DUSP29: variants seen among roughly 807,000 people sequenced by gnomAD.
DUSP29 encodes the protein dual specificity phosphatase 29.
Under a neutral mutation model 13.5 loss-of-function variants are expected in DUSP29, and 12 were observed. That is an observed-to-expected ratio of 0.89 (90% CI 0.57 to 1.44). The LOEUF is 1.44. Among genes scored for constraint, DUSP29 ranks in the 40% most tolerant of loss-of-function variants. The pLI, the probability that DUSP29 is intolerant of heterozygous loss-of-function variation, is 0.00. For missense variants in DUSP29, 308 were observed against 301.1 expected, an observed-to-expected ratio of 1.02 and a Z score of -0.17; for synonymous variants, 134 against 128.7, an observed-to-expected ratio of 1.04 and a Z score of -0.28.
intron 1 of DUSP29, among the ~76,000 whole-genome samples, chr10:75,063,130 T>C (rs1194081598): frequency 6.6e-6 from 1 of 151,628 alleles, no homozygotes; most frequent in African/African-American, 2.4e-5. Flanking sequence ...TGGTGGGGAG[T>C]GTGGCACATC....
In DUSP29 at chr10:75,037,696, A is replaced by G. The variant is rs1846491837; in HGVS notation, c.*140T>C. The G allele has an allele frequency of 7.1e-7, 1 of 1,403,596 alleles. No homozygotes were observed. Among genetic ancestry groups the G allele is most frequent in the South Asian group, 1.4e-5 (1 of 72,040 alleles). 86.9% of individuals were successfully genotyped at this position (1,403,596 alleles called of 1,614,324 possible). ...GCTCTGGGTCCTCCCTGTCCCCAGC[A>G]CACATGGGGAAGTTGAACAAGATGG... On this transcript the variant is annotated 3_prime_UTR_variant, in exon 4 of 4. Coordinates refer to ENST00000338487, the MANE Select transcript of DUSP29 (RefSeq NM_001003892.3).
chr10:75,058,255 G>A, intron 2 of DUSP29, 60 bp downstream of exon 2: 1 of 1,563,132 alleles, frequency 6.4e-7, no homozygotes, highest in Non-Finnish European at 8.7e-7. Flanking sequence ...GGTGGCGCAG[G>A]GCGTGGCCTG....
chr10:75,064,606 G>T (rs931074920), intron 1 of DUSP29, among the ~76,000 whole-genome samples: 1 of 152,270 alleles, frequency 6.6e-6, no homozygotes, highest in African/African-American at 2.4e-5. Context: ...CGTTCCTCCT[G>T]CCTCAGCCCC....
At chr10:75,073,267 T>C (rs149446093) in intron 1 of DUSP29, among the ~76,000 whole-genome samples, 93 of 152,194 alleles carry the variant, frequency 6.1e-4, no homozygotes, top group Non-Finnish European at 9.3e-4. Flanking sequence ...CGTTGGAATG[T>C]GGAATATGAT....
Position 75,037,620 on chromosome 10 carries a change from C to G in DUSP29, c.*216G>C, listed in dbSNP as rs1026969638. 6.6e-6 allele frequency among the ~76,000 whole-genome samples: 1 copy of G among 152,176 alleles called. No homozygotes were observed. The highest frequency in any genetic ancestry group is 1.5e-5 in the Non-Finnish European group (1 of 68,014). ...CTCTGTGACCCAGAGCCGGGGAGCCCGTCCCTCCCATTTTGCTGAGAGGCT... is the reference window on the plus strand; with the variant it reads ...CTCTGTGACCCAGAGCCGGGGAGCCGGTCCCTCCCATTTTGCTGAGAGGCT... On this transcript the variant is annotated 3_prime_UTR_variant, in exon 4 of 4. Transcript: ENST00000338487.
intron 2 of DUSP29, among the ~76,000 whole-genome samples, chr10:75,051,976 T>C (rs983093000): frequency 2.0e-5 from 3 of 152,266 alleles, no homozygotes; most frequent in African/African-American, 7.2e-5. Context: ...GACTTGAGGC[T>C]CCCTCCCTCA....
At chr10:75,055,665 T>C (rs560216721) in intron 2 of DUSP29, among the ~76,000 whole-genome samples, 3 of 152,034 alleles carry the variant, frequency 2.0e-5, no homozygotes, top group Admixed American at 6.5e-5. Context: ...AATTAGAGAG[T>C]GGTGATGTTT....
At chr10:75,038,532 G>A (rs982436553) in intron 3 of DUSP29, among the ~76,000 whole-genome samples, 1 of 152,130 alleles carries the variant, frequency 6.6e-6, no homozygotes, top group African/African-American at 2.4e-5. Context: ...GAGGCTGCCG[G>A]GCCTCTGGCC....
intron 3 of DUSP29, among the ~76,000 whole-genome samples, chr10:75,039,424 G>A (rs1349419595): frequency 6.6e-6 from 1 of 152,192 alleles, no homozygotes; most frequent in African/African-American, 2.4e-5. Flanking sequence ...GCGGAGGCAG[G>A]AGAATTGCTT....
chr10:75,051,342 CAT>C (rs1365738493), intron 2 of DUSP29, among the ~76,000 whole-genome samples: 2 of 152,212 alleles, frequency 1.3e-5, no homozygotes, highest in African/African-American at 4.8e-5. Flanking sequence ...CACCGTGAGA[CAT>C]GTTTTGCTTG....
At chr10:75,054,192 C>G (rs150642201) in intron 2 of DUSP29, among the ~76,000 whole-genome samples, 1 of 152,284 alleles carries the variant, frequency 6.6e-6, no homozygotes, top group Non-Finnish European at 1.5e-5. Flanking sequence ...ACAAAGGGAA[C>G]AGCATGGATA....
chr10:75,057,004 G>A (rs752620851), intron 2 of DUSP29, among the ~76,000 whole-genome samples: 5 of 152,144 alleles, frequency 3.3e-5, no homozygotes, highest in African/African-American at 9.7e-5. Flanking sequence ...GGCCGGGCAC[G>A]GTGGCTCACA....
intron 1 of DUSP29, among the ~76,000 whole-genome samples, chr10:75,062,245 G>C (rs1376608111): frequency 6.6e-6 from 1 of 152,226 alleles, no homozygotes; most frequent in Non-Finnish European, 1.5e-5. Flanking sequence ...TGTTCGAAGT[G>C]AGTAGAAGCT....
At chr10:75,059,862 CATA>C (rs1374530003) in intron 1 of DUSP29, among the ~76,000 whole-genome samples, 2 of 152,118 alleles carry the variant, frequency 1.3e-5, no homozygotes, top group African/African-American at 4.8e-5. Context: ...ACACTTAGGT[CATA>C]ATAATACTGA....
At chr10:75,064,396 G>C (rs1311543128) in intron 1 of DUSP29, among the ~76,000 whole-genome samples, 5 of 152,120 alleles carry the variant, frequency 3.3e-5, no homozygotes, top group Admixed American at 1.3e-4. Flanking sequence ...TAGTCCCAGT[G>C]ACTTGGGAGG....
At chr10:75,039,473 G>A (rs572765274) in intron 3 of DUSP29, among the ~76,000 whole-genome samples, 50 of 152,226 alleles carry the variant, frequency 3.3e-4, no homozygotes, top group African/African-American at 1.2e-3. Context: ...CTGAGATCGC[G>A]CCACTACACT....
rs375303086 is a variant in DUSP29, at chr10:75,037,831, C to T, written c.*5G>A. The T allele has an allele frequency of 5.7e-5, 91 of 1,596,644 alleles. No individual in the cohort carries two copies. Among genetic ancestry groups the T allele is most frequent in the Middle Eastern group, 1.8e-4 (1 of 5,496 alleles). On this transcript the variant is annotated 3_prime_UTR_variant, in exon 4 of 4. Transcript: ENST00000338487. ...AAGTGCCTCTGCTGGCCCTGTGAGTCGGGCCTACAGCTCCCTGCCATCCTC... is the reference window on the plus strand; with the variant it reads ...AAGTGCCTCTGCTGGCCCTGTGAGTTGGGCCTACAGCTCCCTGCCATCCTC...
Position 75,058,397 on chromosome 10 carries a change from C to G in DUSP29, c.118G>C (p.Glu40Gln). ...CCCTTCCAGAAGAGCCGCTCCAGCT[C>G]AAAGGCTCCAGGGGTGCAGTAGTCC... Reference protein sequence around the residue: ...EEDYCTPGAFELERLFWKGSP... With the variant: ...EEDYCTPGAFQLERLFWKGSP... The change falls in exon 2 of 4, where the codon GAG becomes CAG. Residue 40 changes from glutamate (E) to glutamine (Q), a missense_variant. Coordinates refer to ENST00000338487, the MANE Select transcript of DUSP29 (RefSeq NM_001003892.3). 1 of 1,614,244 alleles carries G rather than the reference C, an allele frequency of 6.2e-7. No individual in the cohort carries two copies.
chr10:75,060,743 G>A (rs910095205), intron 1 of DUSP29, among the ~76,000 whole-genome samples: 2 of 152,138 alleles, frequency 1.3e-5, no homozygotes, highest in African/African-American at 4.8e-5. Flanking sequence ...TGAATAAGAA[G>A]AGATGGTCAG....
Sources: gnomAD v4.1 joint callset for allele counts (sites outside exome capture counted in the v4.1 genomes callset) on GRCh38, gnomAD v4.1.1 for gene constraint, MANE v1.5 for transcripts, NCBI Gene and HGNC (gene_info 2026-07-23, HGNC 2026-07-21) for gene names.